Variants in ASXL1 observed in about 807,000 individuals in gnomAD.
The protein encoded by ASXL1 is ASXL transcriptional regulator 1.
A neutral mutation model predicts 89.1 loss-of-function variants in ASXL1; 65 were observed. The ratio of observed to expected loss-of-function variants is 0.73; its 90% CI spans 0.60 to 0.90. The LOEUF is 0.90. Ranked by LOEUF, ASXL1 falls within the 40% of genes least tolerant of loss-of-function variation. ASXL1 has a pLI of 0.00. For synonymous variants in ASXL1, 739 were observed against 746.9 expected, an observed-to-expected ratio of 0.99 and a Z score of 0.17; for missense variants, 1,786 against 1,942.9, an observed-to-expected ratio of 0.92 and a Z score of 1.52.
intron 4 of ASXL1, among the ~76,000 whole-genome samples, chr20:32,408,269 T>G (rs987445048): frequency 7.2e-5 from 11 of 152,138 alleles, no homozygotes; most frequent in African/African-American, 2.7e-4. Flanking sequence ...GAGGTAGTCA[T>G]TCAGGTTTGC....
intron 4 of ASXL1, among the ~76,000 whole-genome samples, chr20:32,392,707 A>C (rs991957658): frequency 6.6e-6 from 1 of 151,846 alleles, no homozygotes; most frequent in Non-Finnish European, 1.5e-5. Flanking sequence ...TAAAATATCT[A>C]ATTTTTCTTT....
intron 4 of ASXL1, among the ~76,000 whole-genome samples, chr20:32,379,076 G>A (rs2048438422): frequency 6.8e-6 from 1 of 147,058 alleles, no homozygotes; most frequent in Non-Finnish European, 1.5e-5. Flanking sequence ...GTGAGACTCT[G>A]TCTCTCACAC....
rs139397200 is a variant in ASXL1 at position 32,437,285 on chromosome 20, G to A, written c.4573G>A (p.Asp1525Asn). The change falls in exon 13 of 13, where the codon GAT (aspartate) becomes AAT (asparagine). Residue 1525 changes from aspartate (D) to asparagine (N), a missense_variant. Physicochemically the swap from Asp to Asn is conservative, Grantham distance 23. This residue lies in a region of ASXL1 where 36 missense variants were observed against 65.5 expected (regional missense o/e 0.55). Coordinates refer to ENST00000375687, the MANE Select transcript of ASXL1 (RefSeq NM_015338.6). Reference sequence around the variant, plus strand: ...CCAAGGCTGCGGTGCGTTCTGTCACGATGACTGTATTGGACCCTCAAAGCT... The same window carrying A: ...CCAAGGCTGCGGTGCGTTCTGTCACAATGACTGTATTGGACCCTCAAAGCT... Reference protein sequence around the residue: ...MCQGCGAFCHDDCIGPSKLCV... With the variant: ...MCQGCGAFCHNDCIGPSKLCV... 3.1e-6 allele frequency: 5 copies of A among 1,614,154 alleles called. No homozygotes were observed. The highest frequency in any genetic ancestry group is 4.2e-6 in the Non-Finnish European group (5 of 1,180,040).
In ASXL1 at chr20:32,433,551, T is replaced by A. The variant is rs2011602227; in HGVS notation, c.1353T>A (p.Asp451Glu). The A allele has an allele frequency of 3.1e-6, 5 of 1,614,088 alleles. No homozygotes were observed. The highest frequency in any genetic ancestry group is 4.2e-6 in the Non-Finnish European group (5 of 1,180,024). Reference protein sequence around the residue: ...SVASDVPLYKDGEAKTDPAGL... With the variant: ...SVASDVPLYKEGEAKTDPAGL... ...CCTCAGATGTTCCCCTCTACAAGGA[T>A]GGGGAGGCTAAGACTGACCCAGCAG... Residue 451 changes from aspartate (D) to glutamate (E), a missense_variant, in exon 12 of 13, where the codon GAT (aspartate) becomes GAA (glutamate). Asp to Glu is a conservative substitution (Grantham distance 45, BLOSUM62 2). This residue lies in a region of ASXL1 where 1,418 missense variants were observed against 1,427.8 expected (regional missense o/e 0.99). Transcript: ENST00000375687.
rs780602186 is a variant in ASXL1 at position 32,433,664 on chromosome 20, G to A, written c.1466G>A (p.Arg489Gln). The change falls in exon 12 of 13, where the codon CGG (arginine) becomes CAG (glutamine). Residue 489 changes from arginine to glutamine, a missense_variant. Arg to Gln is a conservative substitution (Grantham distance 43). Transcript: ENST00000375687. Reference protein sequence around the residue: ...PEFPVESVASRIQAEPDNLAR... With the variant: ...PEFPVESVASQIQAEPDNLAR... ...TTCCCAGTTGAGTCTGTGGCTTCTC[G>A]GATCCAGGCTGAGCCAGACAACTTG... The A allele has an allele frequency of 1.9e-5, 31 of 1,611,010 alleles. No individual in the cohort carries two copies. The highest frequency in any genetic ancestry group is 2.4e-5 in the Non-Finnish European group (28 of 1,177,694).
chr20:32,409,325 T>A (rs1211430235), intron 4 of ASXL1, among the ~76,000 whole-genome samples: 1 of 152,218 alleles, frequency 6.6e-6, no homozygotes, highest in Non-Finnish European at 1.5e-5. Context: ...TTTAAAAATT[T>A]GTTTCCCAGT....
At position 32,434,483 on chromosome 20, in the gene ASXL1, T is replaced by C; in HGVS notation, c.1771T>C (p.Tyr591His). ...CTGGGTGGTTAAAGGTCAGCCCACT[T>C]ACCAGATATGCCCCCGGATCATCCC... ...PPWVVKGQPT[Y>H]QICPRIIPTT... is the part of the protein sequence containing the mutation. Residue 591 changes from tyrosine to histidine, a missense_variant, in exon 13 of 13, where the codon TAC (tyrosine) becomes CAC (histidine). Tyr to His is a moderately conservative substitution (Grantham distance 83). Coordinates refer to ENST00000375687, the MANE Select transcript of ASXL1 (RefSeq NM_015338.6). 6.2e-7 allele frequency: 1 copy of C among 1,614,104 alleles called. No individual in the cohort carries two copies. The highest frequency in any genetic ancestry group is 8.5e-7 in the Non-Finnish European group (1 of 1,180,020).
chr20:32,427,316 T>C (rs1345506176), intron 4 of ASXL1: 1 of 152,532 alleles, frequency 6.6e-6, no homozygotes, highest in Non-Finnish European at 1.5e-5. Context: ...GCATTTTTTG[T>C]TGGACATCTT....
intron 4 of ASXL1, among the ~76,000 whole-genome samples, chr20:32,375,174 A>G (rs1312051736): frequency 2.0e-5 from 3 of 152,148 alleles, no homozygotes; most frequent in African/African-American, 7.2e-5. Context: ...TGTCTTAAGA[A>G]CAAAGACATA....
chr20:32,380,654 G>A (rs563387843), intron 4 of ASXL1, among the ~76,000 whole-genome samples: 2 of 152,234 alleles, frequency 1.3e-5, no homozygotes, highest in African/African-American at 2.4e-5. Flanking sequence ...GGGAGCTGAC[G>A]TGAGAGGATT....
intron 1 of ASXL1, chr20:32,359,143 A>C (rs1231179773): frequency 1.6e-5 from 10 of 637,294 alleles, no homozygotes; most frequent in Non-Finnish European, 1.7e-5. Flanking sequence ...CTCCCCCACT[A>C]TTTGGCAGCG....
At chr20:32,405,704 C>A (rs918284846) in intron 4 of ASXL1, among the ~76,000 whole-genome samples, 1 of 152,082 alleles carries the variant, frequency 6.6e-6, no homozygotes, top group Non-Finnish European at 1.5e-5. Flanking sequence ...TTTGTGGAAT[C>A]TTTTTTAGTT....
At chr20:32,395,194 A>T (rs2048741625) in intron 4 of ASXL1, among the ~76,000 whole-genome samples, 1 of 152,118 alleles carries the variant, frequency 6.6e-6, no homozygotes, top group South Asian at 2.1e-4. Flanking sequence ...CTTGTAGTGT[A>T]GGTCTGCTGG....
At chr20:32,378,356 T>C (rs182784160) in intron 4 of ASXL1, among the ~76,000 whole-genome samples, 1 of 152,014 alleles carries the variant, frequency 6.6e-6, no homozygotes, top group African/African-American at 2.4e-5. Flanking sequence ...TCACGTGAGG[T>C]CAGGTGTAGA....
At chr20:32,362,846 A>G (rs1345607051) in intron 1 of ASXL1, among the ~76,000 whole-genome samples, 2 of 152,218 alleles carry the variant, frequency 1.3e-5, no homozygotes, top group African/African-American at 4.8e-5. Context: ...GTGGATATAA[A>G]TCCTCCAACT....
At chr20:32,384,268 G>A (rs2048540507) in intron 4 of ASXL1, among the ~76,000 whole-genome samples, 1 of 134,388 alleles carries the variant, frequency 7.4e-6, no homozygotes, top group East Asian at 2.5e-4. Context: ...GTGCAGTGGT[G>A]TGATCTTTGC....
At chr20:32,393,996 A>ATTT (rs11312197) in intron 4 of ASXL1, among the ~76,000 whole-genome samples, 1 of 100,964 alleles carries the variant, frequency 9.9e-6, no homozygotes, top group African/African-American at 3.7e-5. Flanking sequence ...ACACCTGGCT[A>ATTT]TTTTTTTTTT....
chr20:32,371,474 A>G (rs1199209933), intron 4 of ASXL1, among the ~76,000 whole-genome samples: 1 of 151,782 alleles, frequency 6.6e-6, no homozygotes, highest in Non-Finnish European at 1.5e-5. Context: ...TTTTGTGGAG[A>G]AGGAGTTTTG....
intron 4 of ASXL1, among the ~76,000 whole-genome samples, chr20:32,380,967 G>A (rs935780549): frequency 6.7e-6 from 1 of 150,094 alleles, no homozygotes; most frequent in African/African-American, 2.5e-5. Flanking sequence ...CCTACTTCTC[G>A]AATGGTTCTC....
Sources: gnomAD v4.1 joint callset for allele counts (sites outside exome capture counted in the v4.1 genomes callset) on GRCh38, gnomAD v4.1.1 for gene constraint, gnomAD v4.1.1 regional missense constraint, MANE v1.5 for transcripts, NCBI Gene and HGNC (gene_info 2026-07-23, HGNC 2026-07-21) for gene names.